CFAP43: variants seen among roughly 807,000 people sequenced by gnomAD.
CFAP43 encodes the protein cilia- and flagella-associated protein 43.
CFAP43 carries 155 observed loss-of-function variants against 218.9 expected under a neutral mutation model. The observed-to-expected ratio is 0.71, with a 90% CI of 0.62 to 0.81. CFAP43 has a LOEUF of 0.81. Ranked by LOEUF, CFAP43 falls within the 30% of genes least tolerant of loss-of-function variation. CFAP43 has a pLI of 0.00. For synonymous variants in CFAP43, 645 were observed against 681.3 expected (o/e 0.95, Z 0.83); for missense variants, 1,778 against 1,954.3 (o/e 0.91, Z 1.70).
intron 27 of CFAP43, among the ~76,000 whole-genome samples, chr10:104,160,402 A>G (rs2088809346): frequency 1.3e-5 from 2 of 152,200 alleles, no homozygotes; most frequent in South Asian, 4.1e-4. Context: ...GCAAGCTGGA[A>G]AGCTGGCCTA....
At chr10:104,133,457 A>G (rs1344889348) in intron 35 of CFAP43, 163 bp downstream of exon 35, 1 of 721,714 alleles carries the variant, frequency 1.4e-6, no homozygotes, top group African/African-American at 1.8e-5. Flanking sequence ...GGAGGCTGCA[A>G]ATGTAAACTG....
At position 104,172,441 on chromosome 10, in the gene CFAP43, A is replaced by G. The variant is rs2089449956; in HGVS notation, c.2555T>C (p.Leu852Pro). 2 of 1,609,634 alleles carry G rather than the reference A, an allele frequency of 1.2e-6. No individual in the cohort carries two copies. Among genetic ancestry groups the G allele is most frequent in the African/African-American group, 2.7e-5 (2 of 74,830 alleles). The change falls in exon 20 of 38, where the codon CTT becomes CCT. Residue 852 changes from leucine to proline, a missense_variant. Leu to Pro is a moderately conservative substitution (Grantham distance 98, BLOSUM62 -3). Transcript: ENST00000357060. The stretch of plus-strand genomic sequence containing the variant: ...CACTTCTTCCTGACTTTCATCATGA[A>G]GCCTTTCTAGTTCCTCAAGATCCAG... The part of the protein sequence containing the change: ...FGLDLEELER[L>P]HDESQEEVAK...
intron 22 of CFAP43, 23 bp from the exon 23 acceptor site, chr10:104,166,741 C>T (rs2089175557): frequency 6.4e-7 from 1 of 1,569,324 alleles, no homozygotes; most frequent in East Asian, 2.3e-5. Context: ...AAAGATGACA[C>T]AGAAGTTATG....
chr10:104,231,594 G>C (rs895273849), intron 1 of CFAP43, among the ~76,000 whole-genome samples: 2 of 152,222 alleles, frequency 1.3e-5, no homozygotes, highest in African/African-American at 4.8e-5. Flanking sequence ...AGAGTGTCCA[G>C]GACTAGCAGG....
chr10:104,224,038 TG>T (rs1274776378), intron 3 of CFAP43, among the ~76,000 whole-genome samples: 1 of 152,022 alleles, frequency 6.6e-6, no homozygotes, highest in Non-Finnish European at 1.5e-5. Context: ...TTTGGGGTGA[TG>T]GATGAATTTA....
At chr10:104,212,356 G>A (rs2090890183) in intron 4 of CFAP43, among the ~76,000 whole-genome samples, 199 bp from the exon 5 acceptor site, 1 of 152,224 alleles carries the variant, frequency 6.6e-6, no homozygotes, top group Non-Finnish European at 1.5e-5. Context: ...ATTAAGTACT[G>A]AGGGATTATA....
At chr10:104,176,835 C>T (rs1006579957) in intron 19 of CFAP43, among the ~76,000 whole-genome samples, 1 of 152,156 alleles carries the variant, frequency 6.6e-6, no homozygotes, top group Admixed American at 6.5e-5. Context: ...ACCTTCTCAT[C>T]ACTGTGCCAC....
chr10:104,211,965 C>T (rs899373089), intron 5 of CFAP43, 42 bp downstream of exon 5: 5 of 1,596,952 alleles, frequency 3.1e-6, no homozygotes, highest in Admixed American at 3.4e-5. Context: ...CTTCCTAGAC[C>T]TCAACCCATT....
intron 28 of CFAP43, among the ~76,000 whole-genome samples, chr10:104,151,692 T>C (rs1437805524): frequency 2.0e-5 from 3 of 152,188 alleles, no homozygotes; most frequent in Non-Finnish European, 4.4e-5. Context: ...GTTGTCTGTT[T>C]ACTCTGTGGA....
chr10:104,140,799 A>G (rs774229598), intron 34 of CFAP43, 43 bp downstream of exon 34: 5 of 1,486,800 alleles, frequency 3.4e-6, no homozygotes, highest in Non-Finnish European at 4.5e-6. Flanking sequence ...CTGAGTAACA[A>G]AGCAAGACCT....
rs74154741 is a variant in CFAP43 at position 104,141,087 on chromosome 10, T to G, written c.4272-86A>C. 2.3e-3 allele frequency: 3,171 copies of G among 1,364,246 alleles called. 38 individuals carry two copies. In the African/African-American group the frequency reaches 0.033, roughly 14 times the overall value. 84.5% of individuals were successfully genotyped at this position (1,364,246 alleles called of 1,614,324 possible). On this transcript the variant is annotated intron_variant, in intron 33 of 37. Transcript: ENST00000357060. ...CTGAGAATATAAAAATCGAATCAGC[T>G]TAAGGAAAACATGCTGGAGATTAGT...
chr10:104,175,098 C>A (rs76064675), intron 19 of CFAP43, among the ~76,000 whole-genome samples: 5,903 of 146,452 alleles, frequency 0.04, 171 homozygotes, highest in Middle Eastern at 0.09. Flanking sequence ...CAAAAAAAAA[C>A]CAAAAAGAAA....
intron 10 of CFAP43, 121 bp from the exon 11 acceptor site, chr10:104,194,135 G>C: frequency 8.4e-7 from 1 of 1,185,740 alleles, no homozygotes; most frequent in Admixed American, 2.3e-5. Context: ...GTGTTGTGTG[G>C]TGGGGTCTTT....
intron 20 of CFAP43, among the ~76,000 whole-genome samples, chr10:104,171,205 G>A (rs1328360284): frequency 6.6e-6 from 1 of 152,170 alleles, no homozygotes; most frequent in South Asian, 2.1e-4. Context: ...GCAGAAATGT[G>A]TCTGTCTTCT....
intron 7 of CFAP43, 76 bp downstream of exon 7, chr10:104,205,887 C>G: frequency 8.0e-7 from 1 of 1,243,464 alleles, no homozygotes; most frequent in Non-Finnish European, 1.2e-6. Context: ...AAATATGGCT[C>G]ATAATAGTAA....
chr10:104,153,163 G>A (rs2088361124), intron 27 of CFAP43, among the ~76,000 whole-genome samples: 1 of 152,186 alleles, frequency 6.6e-6, no homozygotes, highest in South Asian at 2.1e-4. Flanking sequence ...GCACATATAT[G>A]TATATTTATA....
At chr10:104,201,230 T>C (rs191823175) in intron 8 of CFAP43, among the ~76,000 whole-genome samples, 1 of 152,230 alleles carries the variant, frequency 6.6e-6, no homozygotes, top group Non-Finnish European at 1.5e-5. Flanking sequence ...TTATCTTTAG[T>C]AATGATTTTT....
chr10:104,169,909 A>G (rs1409428852), intron 20 of CFAP43, among the ~76,000 whole-genome samples: 1 of 151,856 alleles, frequency 6.6e-6, no homozygotes, highest in Non-Finnish European at 1.5e-5. Context: ...TGTTTGATCA[A>G]CTCCTCCAAA....
intron 8 of CFAP43, among the ~76,000 whole-genome samples, chr10:104,199,021 T>C (rs2090457562): frequency 6.6e-6 from 1 of 152,218 alleles, no homozygotes; most frequent in African/African-American, 2.4e-5. Flanking sequence ...ATAATATCTA[T>C]TTATGTAGAA....
Sources: gnomAD v4.1 joint callset for allele counts (sites outside exome capture counted in the v4.1 genomes callset) on GRCh38, gnomAD v4.1.1 for gene constraint, MANE v1.5 for transcripts, NCBI Gene and HGNC (gene_info 2026-07-23, HGNC 2026-07-21) for gene names.